The following GUCY1A2 variants were observed in gnomAD, a reference collection of about 807,000 sequenced individuals.
GUCY1A2 encodes the protein guanylate cyclase soluble subunit alpha-2.
In GUCY1A2, 27 loss-of-function variants were observed where a neutral mutation model predicts 63.5. The observed-to-expected ratio is 0.43, with a 90% CI of 0.31 to 0.59. The LOEUF is 0.59. GUCY1A2 is among the 20% of genes least tolerant of loss of function. The probability of loss-of-function intolerance (pLI) is 0.11; values close to 1 mark genes in which losing one functional copy is unlikely to be tolerated. For missense variants in GUCY1A2, 768 were observed against 913.3 expected (o/e 0.84, Z 2.05); for synonymous variants, 364 against 343.5 (o/e 1.06, Z -0.66).
At chr11:106,915,170 G>A (rs1555049008) in intron 4 of GUCY1A2, among the ~76,000 whole-genome samples, 3 of 152,144 alleles carry the variant, frequency 2.0e-5, no homozygotes, top group Non-Finnish European at 4.4e-5. Flanking sequence ...AAGAAAGAGA[G>A]TTGGAGAAAG....
At chr11:106,750,788 G>A (rs925755988) in intron 6 of GUCY1A2, among the ~76,000 whole-genome samples, 7 of 150,090 alleles carry the variant, frequency 4.7e-5, no homozygotes, top group East Asian at 1.9e-4. Flanking sequence ...TTAGACATGC[G>A]ATTTCCTTTT....
chr11:106,730,911 T>A (rs1050525548), intron 6 of GUCY1A2, among the ~76,000 whole-genome samples: 3 of 152,146 alleles, frequency 2.0e-5, no homozygotes, highest in Non-Finnish European at 2.9e-5. Context: ...CATGTGTATG[T>A]CTTCTTTTGA....
chr11:106,721,031 T>C (rs1591247128), intron 6 of GUCY1A2, among the ~76,000 whole-genome samples: 1 of 151,978 alleles, frequency 6.6e-6, no homozygotes, highest in East Asian at 1.9e-4. Flanking sequence ...GTAAGTCATA[T>C]GCTTCTCCAC....
chr11:106,979,857 C>T (rs117226417), intron 2 of GUCY1A2, among the ~76,000 whole-genome samples: 132 of 152,324 alleles, frequency 8.7e-4, no homozygotes, highest in Non-Finnish European at 1.6e-3. Flanking sequence ...AGCAAAAGAA[C>T]AGAAAGACTT....
intron 1 of GUCY1A2, among the ~76,000 whole-genome samples, chr11:107,010,976 T>C (rs1444670842): frequency 6.6e-6 from 1 of 152,182 alleles, no homozygotes; most frequent in African/African-American, 2.4e-5. Flanking sequence ...GCAATCCATC[T>C]GCCTCAGCCT....
chr11:106,940,283 A>G, intron 3 of GUCY1A2, 105 bp from the exon 4 acceptor site: 1 of 608,640 alleles, frequency 1.6e-6, no homozygotes, highest in Non-Finnish European at 2.9e-6. Context: ...TAAAGTAACA[A>G]AGGTTATTTC....
At chr11:106,788,016 T>A (rs1864595557) in intron 5 of GUCY1A2, among the ~76,000 whole-genome samples, 1 of 152,166 alleles carries the variant, frequency 6.6e-6, no homozygotes, top group Non-Finnish European at 1.5e-5. Context: ...TGTACAAGGG[T>A]TCCCTTTGCT....
At chr11:106,706,866 A>G (rs1862923219) in intron 7 of GUCY1A2, among the ~76,000 whole-genome samples, 1 of 152,148 alleles carries the variant, frequency 6.6e-6, no homozygotes, top group African/African-American at 2.4e-5. Flanking sequence ...AATTTGACAA[A>G]ATTCAATTTG....
chr11:106,961,670 A>G (rs1215497133), intron 3 of GUCY1A2, among the ~76,000 whole-genome samples: 3 of 152,226 alleles, frequency 2.0e-5, no homozygotes, highest in Non-Finnish European at 2.9e-5. Flanking sequence ...GTCACAATTA[A>G]AGAAGCAAGC....
At chr11:106,693,042 A>G (rs1862653575) in intron 7 of GUCY1A2, among the ~76,000 whole-genome samples, 1 of 152,210 alleles carries the variant, frequency 6.6e-6, no homozygotes, top group Non-Finnish European at 1.5e-5. Context: ...GTGCAGAGCT[A>G]TAAGAGAGTG....
intron 1 of GUCY1A2, among the ~76,000 whole-genome samples, chr11:106,995,077 C>T (rs1307121239): frequency 1.3e-5 from 2 of 152,094 alleles, no homozygotes; most frequent in African/African-American, 4.8e-5. Flanking sequence ...TAGCAAAAGC[C>T]TTTTGGTAGA....
chr11:106,806,825 T>C (rs1055292094), intron 5 of GUCY1A2, among the ~76,000 whole-genome samples: 2 of 152,218 alleles, frequency 1.3e-5, no homozygotes, highest in Admixed American at 1.3e-4. Flanking sequence ...CCCTCTAGTT[T>C]ATAGATAGCT....
rs112452621 is a variant in GUCY1A2, at chr11:106,840,711, T to G, written c.1207-30233A>C. Among the ~76,000 whole-genome samples, 417 of 152,080 alleles carry G rather than the reference T, an allele frequency of 2.7e-3. 4 individuals carry two copies. Among genetic ancestry groups the G allele is most frequent in the African/African-American group, 9.2e-3 (384 of 41,530 alleles). On this transcript the variant is annotated intron_variant, in intron 4 of 7. Coordinates refer to ENST00000526355, the MANE Select transcript of GUCY1A2 (RefSeq NM_000855.3). ...TTGGCAACAATCAATTTAAAATGGT[T>G]CTATCTTTATAAAATTGCTAATAAA...
At chr11:106,864,327 A>T (rs944660632) in intron 4 of GUCY1A2, among the ~76,000 whole-genome samples, 1 of 152,038 alleles carries the variant, frequency 6.6e-6, no homozygotes, top group Non-Finnish European at 1.5e-5. Flanking sequence ...TTACATAAAA[A>T]TGGGGTTTTC....
At chr11:106,740,311 AC>A (rs1250707301) in intron 6 of GUCY1A2, among the ~76,000 whole-genome samples, 1 of 150,896 alleles carries the variant, frequency 6.6e-6, no homozygotes, top group Non-Finnish European at 1.5e-5. Flanking sequence ...CCTGAGAGGA[AC>A]CTTTTTTTCT....
intron 5 of GUCY1A2, among the ~76,000 whole-genome samples, chr11:106,796,406 G>A (rs970134707): frequency 3.3e-5 from 5 of 152,136 alleles, no homozygotes; most frequent in Non-Finnish European, 7.3e-5. Flanking sequence ...TAGCATCGAT[G>A]GTCTTTACAA....
chr11:106,898,677 T>C (rs1279740664), intron 4 of GUCY1A2, among the ~76,000 whole-genome samples: 2 of 152,126 alleles, frequency 1.3e-5, no homozygotes, highest in African/African-American at 2.4e-5. Context: ...AAAAGGTCAA[T>C]AGCTGCTATC....
At chr11:106,779,656 G>GA (rs11455773) in intron 5 of GUCY1A2, among the ~76,000 whole-genome samples, 134,997 of 151,484 alleles carry the variant, frequency 0.89, 60,191 homozygotes, top group Admixed American at 0.9. Flanking sequence ...TATCTTTTCA[G>GA]AAAAAAAAAT....
intron 4 of GUCY1A2, among the ~76,000 whole-genome samples, chr11:106,893,525 T>C (rs1378168218): frequency 6.6e-6 from 1 of 152,118 alleles, no homozygotes; most frequent in Non-Finnish European, 1.5e-5. Flanking sequence ...AACTATATAA[T>C]TTTAAAATAT....
Sources: allele counts gnomAD v4.1 joint callset (sites outside exome capture counted in the v4.1 genomes callset), GRCh38; gene constraint gnomAD v4.1.1; transcripts MANE v1.5; gene names NCBI Gene and HGNC (gene_info 2026-07-23, HGNC 2026-07-21).